The following ARFGEF1 variants were observed in gnomAD, a reference collection of about 807,000 sequenced individuals.
ARFGEF1 encodes ARF guanine nucleotide exchange factor 1.
A neutral mutation model predicts 231.0 loss-of-function variants in ARFGEF1; 42 were observed. The ratio of observed to expected loss-of-function variants is 0.18; its 90% confidence interval spans 0.14 to 0.24. ARFGEF1 has a LOEUF of 0.24. Among genes scored for constraint, ARFGEF1 ranks in the 10% least tolerant of loss-of-function variants. The pLI is 1.00. For missense variants in ARFGEF1, 1,345 were observed against 2,192.0 expected, an observed-to-expected ratio of 0.61 and a Z score of 7.72; for synonymous variants, 710 against 732.3, an observed-to-expected ratio of 0.97 and a Z score of 0.49.
At chr8:67,231,069 A>AT (rs1423971768) in intron 23 of ARFGEF1, among the ~76,000 whole-genome samples, 1 of 152,112 alleles carries the variant, frequency 6.6e-6, no homozygotes, top group African/African-American at 2.4e-5. Flanking sequence ...GGACAGGAAA[A>AT]TGACTGTCTG....
At position 67,213,120 on chromosome 8, in the gene ARFGEF1, T is replaced by C. The variant is rs141614871; in HGVS notation, c.4687-1505A>G. ...GTCATGGAGCAACACGGGCCCAGCA[T>C]AGATGTCACAGTTCTCAAGGGCAAT... is the stretch of plus-strand genomic sequence containing the variant. On this transcript the variant is annotated intron_variant, in intron 33 of 38. Coordinates refer to ENST00000262215, the MANE Select transcript of ARFGEF1 (RefSeq NM_006421.5). 6.2e-3 allele frequency among the ~76,000 whole-genome samples: 943 copies of C among 152,318 alleles called. 10 individuals carry two copies. The highest frequency in any genetic ancestry group is 0.02 in the African/African-American group (838 of 41,564).
intron 37 of ARFGEF1, among the ~76,000 whole-genome samples, chr8:67,201,216 AT>A (rs1335529548): frequency 1.3e-5 from 2 of 152,266 alleles, no homozygotes; most frequent in Non-Finnish European, 2.9e-5. Context: ...AAAAAGGCCT[AT>A]AAATGATATC....
chr8:67,263,887 T>C (rs1212880595), intron 14 of ARFGEF1, among the ~76,000 whole-genome samples: 1 of 152,162 alleles, frequency 6.6e-6, no homozygotes, highest in African/African-American at 2.4e-5. Context: ...AAGGTGACTC[T>C]GGAACTATTT....
At chr8:67,176,887 T>C (rs1374117893) in intron 5 of ARFGEF1, among the ~76,000 whole-genome samples, 1 of 151,792 alleles carries the variant, frequency 6.6e-6, no homozygotes, top group African/African-American at 2.4e-5. Context: ...CTGGCCAACA[T>C]AGTGAAACCC....
chr8:67,262,369 T>TA (rs1563872151), intron 14 of ARFGEF1, among the ~76,000 whole-genome samples: 1 of 152,156 alleles, frequency 6.6e-6, no homozygotes, highest in African/African-American at 2.4e-5. Context: ...CTTTAACATA[T>TA]GAGTAGCTGC....
chr8:67,332,847 G>C (rs953171268), intron 1 of ARFGEF1, among the ~76,000 whole-genome samples: 1 of 152,052 alleles, frequency 6.6e-6, no homozygotes, highest in Non-Finnish European at 1.5e-5. Flanking sequence ...TTCGAATTCT[G>C]CCAAACACAA....
intron 1 of ARFGEF1, among the ~76,000 whole-genome samples, chr8:67,340,510 G>A (rs1389667337): frequency 6.6e-6 from 1 of 152,208 alleles, no homozygotes; most frequent in Non-Finnish European, 1.5e-5. Context: ...CGGTCTTCAA[G>A]GACAATACAT....
intron 5 of ARFGEF1, among the ~76,000 whole-genome samples, chr8:67,185,400 G>T (rs567724490): frequency 6.6e-6 from 1 of 152,346 alleles, no homozygotes; most frequent in South Asian, 2.1e-4. Flanking sequence ...TTAGGGGCTG[G>T]TGCTGGTGCA....
chr8:67,296,046 A>G (rs1282238302), intron 5 of ARFGEF1, among the ~76,000 whole-genome samples: 1 of 152,208 alleles, frequency 6.6e-6, no homozygotes, highest in East Asian at 1.9e-4. Context: ...AACGTATTTC[A>G]TCAATATGGA....
downstream of ARFGEF1, chr8:67,195,438 G>A (rs200079718): frequency 1.9e-5 from 31 of 1,614,064 alleles, no homozygotes; most frequent in East Asian, 4.7e-4. Context: ...AGGGGATGAC[G>A]GATCAAACTC....
intron 1 of ARFGEF1, among the ~76,000 whole-genome samples, chr8:67,305,640 C>A (rs1268184826): frequency 6.6e-6 from 1 of 152,158 alleles, no homozygotes; most frequent in Non-Finnish European, 1.5e-5. Context: ...AGCCACCGCG[C>A]CCGGCCTTGT....
chr8:67,276,139 T>C (rs1563882263), intron 8 of ARFGEF1, 30 bp from the exon 9 acceptor site: 10 of 1,610,450 alleles, frequency 6.2e-6, no homozygotes, highest in South Asian at 1.1e-5. Context: ...ATGAAAATTT[T>C]AGAGATATTT....
intron 5 of ARFGEF1, chr8:67,177,626 T>C: frequency 8.7e-7 from 1 of 1,150,946 alleles, no homozygotes; most frequent in South Asian, 1.3e-5. Context: ...ATTTAATTTA[T>C]ATAGTAAGCA....
At chr8:67,343,038 G>T in intron 1 of ARFGEF1, 126 bp downstream of exon 1, 2 of 1,142,234 alleles carry the variant, frequency 1.8e-6, no homozygotes, top group Non-Finnish European at 2.4e-6. Flanking sequence ...AGAGGGCTCC[G>T]CGAGGGCTTC....
intron 5 of ARFGEF1, among the ~76,000 whole-genome samples, chr8:67,191,334 C>T (rs1836184419): frequency 1.3e-5 from 2 of 152,186 alleles, no homozygotes; most frequent in Admixed American, 1.3e-4. Context: ...CGTGAAGATG[C>T]AGTTATATGT....
intron 17 of ARFGEF1, among the ~76,000 whole-genome samples, chr8:67,254,048 T>C (rs1840377959): frequency 6.6e-6 from 1 of 152,252 alleles, no homozygotes; most frequent in African/African-American, 2.4e-5. Flanking sequence ...ACAGTGGGTA[T>C]AAGAGTAACA....
intron 14 of ARFGEF1, among the ~76,000 whole-genome samples, chr8:67,261,830 CT>C (rs34170422): frequency 0.13 from 15,226 of 117,982 alleles, 1,447 homozygotes; most frequent in African/African-American, 0.29. Context: ...AATTTCAAGT[CT>C]TTTTTTTTTT....
Position 67,239,351 on chromosome 8 carries a change from G to A in ARFGEF1, c.2980-458C>T, listed in dbSNP as rs553777517. 1.3e-3 allele frequency among the ~76,000 whole-genome samples: 194 copies of A among 152,046 alleles called. 1 individual carries two copies. The highest frequency in any genetic ancestry group is 4.2e-3 in the African/African-American group (176 of 41,456). On this transcript the variant is annotated intron_variant, in intron 20 of 38. Coordinates refer to ENST00000262215, the MANE Select transcript of ARFGEF1 (RefSeq NM_006421.5). Reference sequence around the variant, plus strand: ...CTATTAAACCTCCACTCCTAAACTCGTAAGTTCAGTAACTTGTAAGTTTAG... The same window carrying A: ...CTATTAAACCTCCACTCCTAAACTCATAAGTTCAGTAACTTGTAAGTTTAG...
intron 17 of ARFGEF1, among the ~76,000 whole-genome samples, chr8:67,257,108 G>A (rs986643156): frequency 6.6e-6 from 1 of 151,482 alleles, no homozygotes; most frequent in Non-Finnish European, 1.5e-5. Flanking sequence ...GACGGGGTCT[G>A]CCCTCTGTCA....
Sources: gnomAD v4.1 joint callset for allele counts (sites outside exome capture counted in the v4.1 genomes callset) on GRCh38, gnomAD v4.1.1 for gene constraint, MANE v1.5 for transcripts, NCBI Gene and HGNC (gene_info 2026-07-23, HGNC 2026-07-21) for gene names.